DHX37: variants seen among roughly 807,000 people sequenced by gnomAD.
DHX37 encodes DEAH-box helicase 37.
Under a neutral mutation model 134.3 loss-of-function variants are expected in DHX37, and 52 were observed. The ratio of observed to expected loss-of-function variants is 0.39; its 90% CI spans 0.31 to 0.49. DHX37 has a LOEUF of 0.49. Among genes scored for constraint, DHX37 ranks in the 20% least tolerant of loss-of-function variants. The probability of loss-of-function intolerance (pLI) is 0.93; values close to 1 mark genes in which losing one functional copy is unlikely to be tolerated. For missense variants in DHX37, 1,344 were observed against 1,580.8 expected, an observed-to-expected ratio of 0.85 and a Z score of 2.54; for synonymous variants, 634 against 670.7, an observed-to-expected ratio of 0.95 and a Z score of 0.85.
rs527807544 is a variant in DHX37, at chr12:124,971,765, G to A, written c.1078-350C>T. ...GGAGATTGGCCCTGCCCAAGGGGACGTCACAGCCAGCACGGAGCACAGCTT... is the reference window on the plus strand; with the variant it reads ...GGAGATTGGCCCTGCCCAAGGGGACATCACAGCCAGCACGGAGCACAGCTT... On this transcript the variant is annotated intron_variant, in intron 7 of 26. Coordinates refer to ENST00000308736, the MANE Select transcript of DHX37 (RefSeq NM_032656.4). 2.0e-5 allele frequency among the ~76,000 whole-genome samples: 3 copies of A among 152,300 alleles called. No homozygotes were observed. In the South Asian group the frequency reaches 6.2e-4, roughly 32 times the overall value.
chr12:124,970,805 G>C lies in DHX37; in HGVS notation c.1191+497C>G, dbSNP rs749142470. Among the ~76,000 whole-genome samples, 35 of 152,224 alleles carry C rather than the reference G, an allele frequency of 2.3e-4. 1 individual carries two copies. Among genetic ancestry groups the C allele is most frequent in the Admixed American group, 6.5e-4 (10 of 15,290 alleles). ...GCCCCTCTCCCCGCCGGGAGGGTGAGACAGGCCTACTGCATGAAGCCGCGC... is the reference window on the plus strand; with the variant it reads ...GCCCCTCTCCCCGCCGGGAGGGTGACACAGGCCTACTGCATGAAGCCGCGC... On this transcript the variant is annotated intron_variant, in intron 8 of 26. Coordinates refer to ENST00000308736, the MANE Select transcript of DHX37 (RefSeq NM_032656.4).
At chr12:124,981,250 A>G (rs1954753160) in intron 3 of DHX37, among the ~76,000 whole-genome samples, 2 of 138,742 alleles carry the variant, frequency 1.4e-5, no homozygotes, top group African/African-American at 5.1e-5. Flanking sequence ...AGCCTGGGAC[A>G]GTCTCTGCAC....
chr12:124,968,090 A>AT (rs78637536), intron 10 of DHX37, among the ~76,000 whole-genome samples: 132,681 of 151,632 alleles, frequency 0.88, 58,845 homozygotes, highest in South Asian at 0.99. Context: ...CAAAAAAAAA[A>AT]AGTCTGGCTG....
At chr12:124,967,402 T>G (rs529291393) in intron 10 of DHX37, among the ~76,000 whole-genome samples, 184 bp from the exon 11 acceptor site, 11 of 150,358 alleles carry the variant, frequency 7.3e-5, no homozygotes, top group Non-Finnish European at 1.5e-4. Context: ...CGCCAGGGAG[T>G]TCAACAAACA....
Position 124,975,445 on chromosome 12 carries a change from C to T in DHX37, c.954G>A (p.Val318=), listed in dbSNP as rs757071720. The part of the protein sequence containing the change: ...RVAAVAMSQR[V]AKEMNLSQRV... ...GCTGGGACAGATTCATCTCCTTGGC[C>T]ACTCGCTGGGACATGGCCACGGCGG... The change falls in exon 6 of 27, where the codon GTG becomes GTA. Residue 318 remains valine, a synonymous_variant. Transcript: ENST00000308736. 7.4e-6 allele frequency: 12 copies of T among 1,613,076 alleles called. No homozygotes were observed. The South Asian group carries it at 1.2e-4, about 16-fold the overall frequency.
chr12:124,955,549 T>G (rs1954075480), intron 18 of DHX37, among the ~76,000 whole-genome samples: 1 of 152,328 alleles, frequency 6.6e-6, no homozygotes, highest in African/African-American at 2.4e-5. Flanking sequence ...ACCTCTCAAG[T>G]GATCTGCCTG....
chr12:124,977,289 G>C, intron 5 of DHX37, 53 bp downstream of exon 5: 1 of 1,465,558 alleles, frequency 6.8e-7, no homozygotes, highest in South Asian at 1.5e-5. Context: ...ACCTTTCAGG[G>C]CATCTCCAGT....
rs910397015 is a variant in DHX37 at position 124,950,859 on chromosome 12, G to T, written c.2869-55C>A. 3.3e-6 allele frequency: 5 copies of T among 1,512,802 alleles called. 1 individual carries two copies. The South Asian group carries it at 6.5e-5, about 20-fold the overall frequency. The allele number at this position is 1,512,802 out of a possible 1,614,324, so 93.7% of individuals were successfully genotyped here. On this transcript the variant is annotated intron_variant, in intron 21 of 26. Coordinates refer to ENST00000308736, the MANE Select transcript of DHX37 (RefSeq NM_032656.4). ...GGAAGAACCCATGCCCAGGGGCTCC[G>T]CATACTTTCAACCCAGGAGAAGAAT...
Position 124,980,385 on chromosome 12 carries a change from G to T in DHX37, c.738+105C>A. On this transcript the variant is annotated intron_variant, in intron 4 of 26. Coordinates refer to ENST00000308736, the MANE Select transcript of DHX37 (RefSeq NM_032656.4). The surrounding 1 kb of genome is among the most constrained non-coding windows in gnomAD (Gnocchi z 5.3). The stretch of plus-strand genomic sequence containing the variant: ...TCTCCCCTTTCCCAGATGGGGACAT[G>T]GAGGCACAGAGAAGGGATGCCCTTG... 1.6e-6 allele frequency: 2 copies of T among 1,263,070 alleles called. No individual in the cohort carries two copies. Among genetic ancestry groups the T allele is most frequent in the South Asian group, 1.5e-5 (1 of 68,840 alleles). The allele number at this position is 1,263,070 out of a possible 1,614,324, so 78.2% of individuals were successfully genotyped here.
chr12:124,986,085 G>T lies in DHX37; in HGVS notation c.276+11C>A, dbSNP rs1234804671. On this transcript the variant is annotated intron_variant, in intron 2 of 26. Transcript: ENST00000308736. The stretch of plus-strand genomic sequence containing the variant: ...AGAGCCACTTGCAGACCCTGCCCGA[G>T]TGGGGTGTACCTGGCTCTTTTTCTC... 1 of 1,612,974 alleles carries T rather than the reference G, an allele frequency of 6.2e-7. No homozygotes were observed. The highest frequency in any genetic ancestry group is 1.3e-5 in the African/African-American group (1 of 74,704).
intron 5 of DHX37, among the ~76,000 whole-genome samples, chr12:124,976,584 C>T (rs1008317960): frequency 2.0e-5 from 3 of 152,136 alleles, no homozygotes; most frequent in Admixed American, 6.6e-5. Flanking sequence ...AATCCCAGCA[C>T]TTTGGGAGGC....
rs560919062 is a variant in DHX37 at position 124,947,623 on chromosome 12, G to A, written c.*179C>T. ...AAGTCACCCCCGGGCCAGATGGCAC[G>A]GGCGGCAGCACCCTTCATACGGGAT... On this transcript the variant is annotated 3_prime_UTR_variant, in exon 27 of 27. Transcript: ENST00000308736. 1.2e-3 allele frequency: 892 copies of A among 733,856 alleles called. 2 individuals carry two copies. The highest frequency in any genetic ancestry group is 1.7e-3 in the Non-Finnish European group (808 of 474,898). The allele number at this position is 733,856 out of a possible 1,614,324, so 45.5% of individuals were successfully genotyped here.
At chr12:124,951,281 CAAAA>C (rs71092247) in intron 21 of DHX37, among the ~76,000 whole-genome samples, 2 of 130,112 alleles carry the variant, frequency 1.5e-5, no homozygotes, top group Admixed American at 7.8e-5. Context: ...AACTCCTTCT[CAAAA>C]AAAAAAAAAA....
chr12:124,966,819 C>G lies in DHX37; in HGVS notation c.1564G>C (p.Ala522Pro). ...TCAGCCCGCGCCTTCTTGGCCCTGG[C>G]CCTTGACTTCTTAAACTTCCGCATT... is the stretch of plus-strand genomic sequence containing the variant. ...EEMRKFKKSRARAKKARAEVL... is the reference protein window; with the variant it reads ...EEMRKFKKSRPRAKKARAEVL... Residue 522 changes from alanine to proline, a missense_variant, in exon 12 of 27, where the codon GCC becomes CCC. Around this residue, in one of 7 missense-constraint regions of DHX37, gnomAD observed 289 missense variants for 323.8 expected, o/e 0.89. Coordinates refer to ENST00000308736, the MANE Select transcript of DHX37 (RefSeq NM_032656.4). 1 of 1,614,262 alleles carries G rather than the reference C, an allele frequency of 6.2e-7. No individual in the cohort carries two copies. Among genetic ancestry groups the G allele is most frequent in the Non-Finnish European group, 8.5e-7 (1 of 1,180,046 alleles).
rs898248768 is a variant in DHX37, at chr12:124,986,831, C to A, written c.107-566G>T. On this transcript the variant is annotated intron_variant, in intron 1 of 26. Transcript: ENST00000308736. ...CGCAATCTCAGCTCACTTCAACCTC[C>A]GCCTCCCAGGTTCCAGCAATTCTCC... Among the ~76,000 whole-genome samples, 14 of 152,160 alleles carry A rather than the reference C, an allele frequency of 9.2e-5. No individual in the cohort carries two copies. The East Asian group carries it at 2.8e-3, about 30-fold the overall frequency.
Position 124,980,476 on chromosome 12 carries a change from A to T in DHX37, c.738+14T>A. The T allele has an allele frequency of 1.2e-6, 2 of 1,604,798 alleles. No homozygotes were observed. The highest frequency in any genetic ancestry group is 1.1e-5 in the South Asian group (1 of 90,296). ...CTAACCTAGATTCTTAATCACAAAC[A>T]CGGGGTGGCGAACCTGCATTTCCGG... On this transcript the variant is annotated intron_variant, in intron 4 of 26. Transcript: ENST00000308736. This position sits in a 1 kb window ranked among gnomAD's most constrained non-coding sequence, Gnocchi z 5.3.
intron 7 of DHX37, among the ~76,000 whole-genome samples, chr12:124,971,853 C>G (rs112172179): frequency 6.6e-6 from 1 of 152,246 alleles, no homozygotes; most frequent in African/African-American, 2.4e-5. Flanking sequence ...GTGCCACCCA[C>G]TTGACCGAAT....
rs543572671 is a variant in DHX37 at position 124,975,522 on chromosome 12, A to G, written c.888-11T>C. 6 of 1,611,682 alleles carry G rather than the reference A, an allele frequency of 3.7e-6. No individual in the cohort carries two copies. The highest frequency in any genetic ancestry group is 2.7e-5 in the African/African-American group (2 of 75,024). On this transcript the variant is annotated splice_polypyrimidine_tract_variant and intron_variant, in intron 5 of 26. Coordinates refer to ENST00000308736, the MANE Select transcript of DHX37 (RefSeq NM_032656.4). ...ATGATGCTGTCTTCACTGGGGGAGG[A>G]AGAACATGGCCATCAACAGTGCGCG...
intron 8 of DHX37, among the ~76,000 whole-genome samples, chr12:124,969,590 T>C (rs6488963): frequency 0.95 from 143,464 of 151,740 alleles, 67,978 homozygotes; most frequent in South Asian, 0.99. Context: ...ACTCTAGACT[T>C]CCTGATGGCC....
Sources: allele counts gnomAD v4.1 joint callset (sites outside exome capture counted in the v4.1 genomes callset), GRCh38; gene constraint gnomAD v4.1.1; regional missense constraint gnomAD v4.1.1; non-coding constraint Gnocchi (gnomAD v3.1); transcripts MANE v1.5; gene names NCBI Gene and HGNC (gene_info 2026-07-23, HGNC 2026-07-21).